GSTA4: variants seen among roughly 807,000 people sequenced by gnomAD.
GSTA4 encodes glutathione S-transferase alpha 4.
GSTA4 carries 15 observed loss-of-function variants against 24.4 expected under a neutral mutation model. The observed-to-expected ratio is 0.61, with a 90% CI of 0.41 to 0.95. The LOEUF (loss-of-function observed/expected upper bound fraction) is 0.95, where lower values mean the gene tolerates loss of function less well. GSTA4 is among the 40% of genes least tolerant of loss of function. GSTA4 has a pLI of 0.00. For synonymous variants in GSTA4, 92 were observed against 94.2 expected (o/e 0.98, Z 0.13); for missense variants, 244 against 262.1 (o/e 0.93, Z 0.48).
chr6:52,993,917 T>C (rs1161400042), intron 2 of GSTA4: 1 of 580,186 alleles, frequency 1.7e-6, no homozygotes, highest in Non-Finnish European at 3.2e-6. Context: ...TTAATAAATA[T>C]TCACTGGTGC....
Position 52,984,616 on chromosome 6 carries a change from A to G in GSTA4, c.273-11T>C, listed in dbSNP as rs936604545. The G allele has an allele frequency of 6.2e-7, 1 of 1,611,456 alleles. No homozygotes were observed. Among genetic ancestry groups the G allele is most frequent in the African/African-American group, 1.3e-5 (1 of 74,912 alleles). On this transcript the variant is annotated splice_polypyrimidine_tract_variant and intron_variant, in intron 4 of 6. Transcript: ENST00000370963. ...ACGTACATGTCAATCCTTAAAACAA[A>G]AAAGCAGTTGTCTCAGTTTCTCCTC...
chr6:52,984,656 A>G, intron 4 of GSTA4, 51 bp from the exon 5 acceptor site: 2 of 1,480,854 alleles, frequency 1.4e-6, no homozygotes, highest in South Asian at 1.2e-5. Flanking sequence ...TGAAGCCATC[A>G]GTTTCCACAA....
At chr6:52,988,480 A>C (rs1396907243) in intron 2 of GSTA4, among the ~76,000 whole-genome samples, 2 of 152,208 alleles carry the variant, frequency 1.3e-5, no homozygotes, top group Admixed American at 6.5e-5. Context: ...TGTTGTTAAC[A>C]AAGTGAGAAG....
intron 6 of GSTA4, among the ~76,000 whole-genome samples, chr6:52,979,389 G>A (rs1387329024): frequency 2.6e-5 from 4 of 152,180 alleles, no homozygotes; most frequent in African/African-American, 9.7e-5. Context: ...ATCAGTAAGT[G>A]AATCCTCTTT....
chr6:52,978,304 A>G lies in GSTA4; in HGVS notation c.*166T>C. On this transcript the variant is annotated 3_prime_UTR_variant, in exon 7 of 7. Coordinates refer to ENST00000370963, the MANE Select transcript of GSTA4 (RefSeq NM_001512.4). Reference sequence around the variant, plus strand: ...CTAACAATTATTTACTGGACAAAAAAGGTTGATATTTCTAGAAGAGATGAT... The same window carrying G: ...CTAACAATTATTTACTGGACAAAAAGGGTTGATATTTCTAGAAGAGATGAT... The G allele has an allele frequency of 1.5e-6, 1 of 671,444 alleles. No homozygotes were observed. The allele number at this position is 671,444 out of a possible 1,614,324, so 41.6% of individuals were successfully genotyped here.
At chr6:52,984,394 G>A in intron 5 of GSTA4, 70 bp downstream of exon 5, 6 of 1,402,362 alleles carry the variant, frequency 4.3e-6, no homozygotes, top group Non-Finnish European at 5.9e-6. Flanking sequence ...ACAGAAAAGG[G>A]TGTTTGTGGC....
rs750955820 is a variant in GSTA4, at chr6:52,978,489, T to C, written c.650A>G (p.Tyr217Cys). Reference protein sequence around the residue: ...PPDEIYVRTVYNIFRP With the variant: ...PPDEIYVRTVCNIFRP ...GTTGTTTTATGGCCTAAAGATGTTG[T>C]AGACGGTTCTCACATAAATTTCATC... The change falls in exon 7 of 7, where the codon TAC (tyrosine) becomes TGC (cysteine). Residue 217 changes from tyrosine to cysteine, a missense_variant. Coordinates refer to ENST00000370963, the MANE Select transcript of GSTA4 (RefSeq NM_001512.4). 5.6e-6 allele frequency: 9 copies of C among 1,613,574 alleles called. No homozygotes were observed. Among genetic ancestry groups the C allele is most frequent in the South Asian group, 3.3e-5 (3 of 90,978 alleles).
rs1049861643 is a variant in GSTA4 at position 52,987,549 on chromosome 6, C to G, written c.88-141G>C. Reference sequence around the variant, plus strand: ...GTGAAATAAGCCAGGCACAGAAAGACAAAGACTGCATGTTCTGATTCATAT... The same window carrying G: ...GTGAAATAAGCCAGGCACAGAAAGAGAAAGACTGCATGTTCTGATTCATAT... On this transcript the variant is annotated intron_variant, in intron 2 of 6. Coordinates refer to ENST00000370963, the MANE Select transcript of GSTA4 (RefSeq NM_001512.4). 1.0e-5 allele frequency: 6 copies of G among 576,002 alleles called. No individual in the cohort carries two copies. The African/African-American group carries it at 1.2e-4, about 11-fold the overall frequency. The allele number at this position is 576,002 out of a possible 1,614,324, so 35.7% of individuals were successfully genotyped here.
rs553577104 is a variant in GSTA4 at position 52,985,782 on chromosome 6, G to C, written c.140-199C>G. 3.3e-5 allele frequency among the ~76,000 whole-genome samples: 5 copies of C among 152,294 alleles called. No individual in the cohort carries two copies. In the South Asian group the frequency reaches 1.0e-3, roughly 32 times the overall value. On this transcript the variant is annotated intron_variant, in intron 3 of 6. Coordinates refer to ENST00000370963, the MANE Select transcript of GSTA4 (RefSeq NM_001512.4). ...AAGAAGCCTGAAGGGGCCAGGCGTG[G>C]TGGCTCAAGCCTGTAATCCCAGCAC...
intron 2 of GSTA4, among the ~76,000 whole-genome samples, chr6:52,988,259 C>T (rs1763599971): frequency 6.8e-6 from 1 of 146,114 alleles, no homozygotes; most frequent in Non-Finnish European, 1.5e-5. Context: ...ACAATAAAAT[C>T]TCTATGTCCA....
chr6:52,983,323 T>C (rs1213990261), intron 5 of GSTA4, among the ~76,000 whole-genome samples: 12 of 152,160 alleles, frequency 7.9e-5, no homozygotes. Context: ...TAAGAATAGA[T>C]TGTGATTAGG....
At chr6:52,978,711 A>T in intron 6 of GSTA4, 119 bp from the exon 7 acceptor site, 1 of 639,884 alleles carries the variant, frequency 1.6e-6, no homozygotes, top group Non-Finnish European at 2.6e-6. Context: ...GAAGAGTTCC[A>T]AGCAGAAATG....
intron 3 of GSTA4, among the ~76,000 whole-genome samples, chr6:52,986,348 C>T (rs952774087): frequency 1.9e-4 from 29 of 152,180 alleles, no homozygotes; most frequent in African/African-American, 5.3e-4. Context: ...CAGAATAGAA[C>T]GATTCCTTCA....
intron 6 of GSTA4, among the ~76,000 whole-genome samples, chr6:52,980,652 G>A (rs1391496860): frequency 6.6e-6 from 1 of 152,130 alleles, no homozygotes. Context: ...TCTGGGTTCA[G>A]CATCCCACCT....
intron 6 of GSTA4, among the ~76,000 whole-genome samples, chr6:52,982,087 G>A (rs967568601): frequency 1.1e-4 from 17 of 152,090 alleles, no homozygotes; most frequent in African/African-American, 2.2e-4. Flanking sequence ...TGTTTATCTC[G>A]CCCACTATTC....
chr6:52,983,698 T>A (rs1763496988), intron 5 of GSTA4, among the ~76,000 whole-genome samples: 1 of 152,216 alleles, frequency 6.6e-6, no homozygotes, highest in Non-Finnish European at 1.5e-5. Flanking sequence ...AGTGAACCTT[T>A]GCCAAAGCAC....
chr6:52,983,149 C>T (rs745596494), intron 5 of GSTA4, among the ~76,000 whole-genome samples: 3 of 152,120 alleles, frequency 2.0e-5, no homozygotes, highest in Non-Finnish European at 4.4e-5. Flanking sequence ...AAGGGGCCCA[C>T]TCTTATTTCC....
At chr6:52,993,589 T>C (rs1763704467) in intron 2 of GSTA4, among the ~76,000 whole-genome samples, 1 of 152,176 alleles carries the variant, frequency 6.6e-6, no homozygotes, top group Admixed American at 6.5e-5. Flanking sequence ...TGCTTTAAAA[T>C]ACTCCCACAA....
chr6:52,982,484 A>ACT, intron 6 of GSTA4, 90 bp downstream of exon 6: 2 of 887,546 alleles, frequency 2.3e-6, no homozygotes, highest in Non-Finnish European at 3.5e-6. Context: ...ATACACACAC[A>ACT]CACACACTCC....
Sources: gnomAD v4.1 joint callset for allele counts (sites outside exome capture counted in the v4.1 genomes callset) on GRCh38, gnomAD v4.1.1 for gene constraint, MANE v1.5 for transcripts, NCBI Gene and HGNC (gene_info 2026-07-23, HGNC 2026-07-21) for gene names.